Variants in NEK10 observed in about 807,000 individuals in gnomAD.
NEK10 encodes NIMA related kinase 10, also known as serine/threonine-protein kinase Nek10.
NEK10 carries 122 observed loss-of-function variants against 159.8 expected under a neutral mutation model. The ratio of observed to expected loss-of-function variants is 0.76; its 90% CI spans 0.66 to 0.89. The LOEUF is 0.89. NEK10 is among the 40% of genes least tolerant of loss of function. The pLI, the probability that NEK10 is intolerant of heterozygous loss-of-function variation, is 0.00. For synonymous variants in NEK10, 466 were observed against 457.1 expected (o/e 1.02, Z -0.25); for missense variants, 1,342 against 1,323.1 (o/e 1.01, Z -0.22).
rs994404172 is a variant in NEK10, at chr3:27,215,091, C to T, written c.2091-12534G>A. 2.0e-5 allele frequency: 10 copies of T among 494,790 alleles called. 1 individual carries two copies. The highest frequency in any genetic ancestry group is 3.4e-5 in the Non-Finnish European group (9 of 266,458). 30.6% of individuals were successfully genotyped at this position (494,790 alleles called of 1,614,324 possible). ...CTCCAACCCCTGCAAGTCTCGCGAG[C>T]TATTTTCTTTAAAAGCATTACCCTT... On this transcript the variant is annotated intron_variant, in intron 23 of 35. Transcript: ENST00000691995.
At chr3:27,321,194 TC>T (rs1247922287) in intron 6 of NEK10, among the ~76,000 whole-genome samples, 1 of 152,196 alleles carries the variant, frequency 6.6e-6, no homozygotes, top group Non-Finnish European at 1.5e-5. Context: ...AGTAAGCTTT[TC>T]TTTAGAGCCT....
At chr3:27,266,490 T>C (rs185162144) in intron 22 of NEK10, among the ~76,000 whole-genome samples, 1 of 152,168 alleles carries the variant, frequency 6.6e-6, no homozygotes, top group African/African-American at 2.4e-5. Flanking sequence ...AATCAAAACT[T>C]TCACTTAAGT....
chr3:27,285,051 G>T, intron 20 of NEK10, 90 bp from the exon 21 acceptor site: 1 of 935,004 alleles, frequency 1.1e-6, no homozygotes, highest in Non-Finnish European at 1.6e-6. Flanking sequence ...GCTTCCCAGT[G>T]TCTGTGCGGG....
intron 26 of NEK10, among the ~76,000 whole-genome samples, chr3:27,181,408 T>A (rs1387403970): frequency 6.6e-6 from 1 of 152,056 alleles, no homozygotes; most frequent in Non-Finnish European, 1.5e-5. Flanking sequence ...TGGATCATCA[T>A]AAAGGTCTTC....
chr3:27,290,230 T>C (rs2042900533), intron 19 of NEK10, among the ~76,000 whole-genome samples: 1 of 152,240 alleles, frequency 6.6e-6, no homozygotes, highest in Non-Finnish European at 1.5e-5. Flanking sequence ...TTGAGGAATG[T>C]TAACAGCTTG....
chr3:27,207,094 G>A (rs1235417418), intron 23 of NEK10, among the ~76,000 whole-genome samples: 1 of 152,124 alleles, frequency 6.6e-6, no homozygotes, highest in East Asian at 1.9e-4. Context: ...TGCATCCCAG[G>A]GAACCTTTCT....
chr3:27,246,539 T>C (rs905881917), intron 23 of NEK10, among the ~76,000 whole-genome samples: 2 of 152,182 alleles, frequency 1.3e-5, no homozygotes, highest in African/African-American at 4.8e-5. Flanking sequence ...ACTTCAAGCA[T>C]TGTGTTAAAA....
At chr3:27,298,150 C>T (rs1213470576) in intron 13 of NEK10, among the ~76,000 whole-genome samples, 1 of 152,116 alleles carries the variant, frequency 6.6e-6, no homozygotes, top group Non-Finnish European at 1.5e-5. Flanking sequence ...TAGGTATTAA[C>T]ATGGTTTGGC....
intron 30 of NEK10, among the ~76,000 whole-genome samples, chr3:27,160,839 GA>G (rs1163597261): frequency 6.6e-6 from 1 of 152,148 alleles, no homozygotes; most frequent in Non-Finnish European, 1.5e-5. Flanking sequence ...CCAGGAGGAG[GA>G]GGCTTCAGTG....
intron 24 of NEK10, among the ~76,000 whole-genome samples, chr3:27,202,141 ACT>A (rs1950108955): frequency 6.6e-6 from 1 of 150,912 alleles, no homozygotes; most frequent in Non-Finnish European, 1.5e-5. Context: ...ACAGAGTGAG[ACT>A]CTGTCTCAAA....
At chr3:27,111,445 T>A in intron 35 of NEK10, 125 bp from the exon 36 acceptor site, 1 of 730,344 alleles carries the variant, frequency 1.4e-6, no homozygotes, top group South Asian at 2.5e-5. Flanking sequence ...AAGACGATTA[T>A]TTTTGTTAGG....
intron 23 of NEK10, among the ~76,000 whole-genome samples, chr3:27,234,922 G>T (rs1048113377): frequency 2.0e-5 from 3 of 152,096 alleles, no homozygotes; most frequent in African/African-American, 7.2e-5. Context: ...CAGACACATA[G>T]ACCAATGGAA....
chr3:27,259,745 A>G (rs942150668), intron 22 of NEK10, among the ~76,000 whole-genome samples: 4 of 152,258 alleles, frequency 2.6e-5, no homozygotes, highest in African/African-American at 4.8e-5. Flanking sequence ...GTTTTTTCCA[A>G]TTGTGTGAAG....
chr3:27,113,693 A>C (rs2125405446), intron 35 of NEK10, among the ~76,000 whole-genome samples: 1 of 152,310 alleles, frequency 6.6e-6, no homozygotes, highest in Non-Finnish European at 1.5e-5. Flanking sequence ...AATGTCTTTT[A>C]ATAAAGCCAT....
At chr3:27,335,910 G>A (rs2046769842) in intron 5 of NEK10, among the ~76,000 whole-genome samples, 1 of 152,006 alleles carries the variant, frequency 6.6e-6, no homozygotes, top group African/African-American at 2.4e-5. Context: ...CATCAAAAAA[G>A]TAGAAAGATT....
chr3:27,308,019 T>G lies in NEK10; in HGVS notation c.717-74A>C, dbSNP rs567936557. The G allele has an allele frequency of 3.2e-5, 24 of 754,016 alleles. 1 individual carries two copies. In the South Asian group the frequency reaches 3.5e-4, roughly 11 times the overall value. 46.7% of individuals were successfully genotyped at this position (754,016 alleles called of 1,614,324 possible). A position where few individuals can be genotyped will look rare whatever the true frequency, so the allele number is the denominator to read the frequency against. On this transcript the variant is annotated intron_variant, in intron 10 of 35. Coordinates refer to ENST00000691995, the MANE Select transcript of NEK10 (RefSeq NM_001394966.1). ...TCCATGTATTAGTCCTTTTTCAAAC[T>G]GGTATAAAGAACTGCCTGAGACTGG...
At chr3:27,187,824 G>A (rs1409862595) in intron 26 of NEK10, among the ~76,000 whole-genome samples, 9 of 151,694 alleles carry the variant, frequency 5.9e-5, no homozygotes. Flanking sequence ...GTATTTTGGA[G>A]AAATTCAACG....
chr3:27,326,937 A>T (rs2046044769), intron 5 of NEK10, among the ~76,000 whole-genome samples: 1 of 152,172 alleles, frequency 6.6e-6, no homozygotes, highest in South Asian at 2.1e-4. Flanking sequence ...GACTATACAC[A>T]CATATACACA....
At chr3:27,246,440 T>G (rs1955072138) in intron 23 of NEK10, among the ~76,000 whole-genome samples, 1 of 152,164 alleles carries the variant, frequency 6.6e-6, no homozygotes, top group Non-Finnish European at 1.5e-5. Flanking sequence ...AAATATATAG[T>G]AGGTGTATAT....
Sources: gnomAD v4.1 joint callset for allele counts (sites outside exome capture counted in the v4.1 genomes callset) on GRCh38, gnomAD v4.1.1 for gene constraint, MANE v1.5 for transcripts, NCBI Gene and HGNC (gene_info 2026-07-23, HGNC 2026-07-21) for gene names.